Variants in SLC4A1AP observed in about 807,000 individuals in gnomAD.
SLC4A1AP encodes solute carrier family 4 member 1 adaptor protein.
In SLC4A1AP, 64 loss-of-function variants were observed where a neutral mutation model predicts 89.7. That is an observed-to-expected ratio of 0.71 (90% CI 0.58 to 0.88). The LOEUF (loss-of-function observed/expected upper bound fraction) is 0.88, where lower values mean the gene tolerates loss of function less well. Ranked by LOEUF, SLC4A1AP falls within the 40% of genes least tolerant of loss-of-function variation. The probability of loss-of-function intolerance (pLI) is 0.00; values close to 1 mark genes in which losing one functional copy is unlikely to be tolerated. For missense variants in SLC4A1AP, 931 were observed against 965.0 expected (o/e 0.96, Z 0.47); for synonymous variants, 366 against 353.3 (o/e 1.04, Z -0.40).
chr2:27,684,413 G>A (rs1304256952), intron 9 of SLC4A1AP, among the ~76,000 whole-genome samples: 2 of 145,830 alleles, frequency 1.4e-5, no homozygotes, highest in African/African-American at 5.2e-5. Context: ...GGGCCACAGA[G>A]CAAGACTCTG....
At chr2:27,675,683 T>G in exon 6 of SLC4A1AP, 1 of 1,571,188 alleles carries the variant, frequency 6.4e-7, no homozygotes, top group Non-Finnish European at 8.6e-7. Flanking sequence ...CAGAGACCTT[T>G]GAATCATTGG....
intron 12 of SLC4A1AP, 48 bp downstream of exon 12, chr2:27,688,815 G>A: frequency 7.2e-7 from 1 of 1,380,122 alleles, no homozygotes; most frequent in South Asian, 1.3e-5. Flanking sequence ...CTTTGTCATG[G>A]ACCACATCCA....
In SLC4A1AP at chr2:27,681,620, G is replaced by C. The variant is rs145908375; in HGVS notation, c.1764-628G>C. Among the ~76,000 whole-genome samples, 578 of 152,028 alleles carry C rather than the reference G, an allele frequency of 3.8e-3. 1 individual carries two copies. Among genetic ancestry groups the C allele is most frequent in the African/African-American group, 0.013 (558 of 41,450 alleles). ...CTGAATTGCTATCCCTTTTGTTTTT[G>C]CTCTGTTCTCCCCCTGCCTTTCTAA... On this transcript the variant is annotated intron_variant, in intron 8 of 13. Transcript: ENST00000613058.
Position 27,666,297 on chromosome 2 carries a change from G to C in SLC4A1AP, c.1022-971G>C, listed in dbSNP as rs139054145. Among the ~76,000 whole-genome samples, 809 of 145,820 alleles carry C rather than the reference G, an allele frequency of 5.5e-3. 5 individuals are homozygous for C. Among genetic ancestry groups the C allele is most frequent in the Admixed American group, 7.1e-3 (102 of 14,444 alleles). On this transcript the variant is annotated intron_variant, in intron 2 of 13. Transcript: ENST00000613058. The stretch of plus-strand genomic sequence containing the variant: ...ACTTAATTTTTTTTATTTTAGTAGA[G>C]ATGGGGTTTCACCATATTGGCCAGG...
At chr2:27,668,933 C>A in intron 4 of SLC4A1AP, 30 bp downstream of exon 4, 2 of 1,603,484 alleles carry the variant, frequency 1.2e-6, no homozygotes, top group Non-Finnish European at 1.7e-6. Context: ...ATGTTCTTTT[C>A]TGGAAAATGG....
chr2:27,681,648 TCTA>T (rs1675621931), intron 8 of SLC4A1AP, among the ~76,000 whole-genome samples: 1 of 152,188 alleles, frequency 6.6e-6, no homozygotes, highest in African/African-American at 2.4e-5. Context: ...CTTTCTAATT[TCTA>T]CTATCTCTTC....
chr2:27,669,845 C>T (rs748677697), intron 5 of SLC4A1AP, among the ~76,000 whole-genome samples: 2 of 152,038 alleles, frequency 1.3e-5, no homozygotes, highest in African/African-American at 4.8e-5. Context: ...TTGCACCACC[C>T]TGCACAACTA....
chr2:27,676,552 T>C (rs1192336410), intron 6 of SLC4A1AP, among the ~76,000 whole-genome samples: 1 of 152,166 alleles, frequency 6.6e-6, no homozygotes, highest in Non-Finnish European at 1.5e-5. Flanking sequence ...CTGGGCATGG[T>C]GGCTCATGCC....
chr2:27,691,809 T>C, intron 12 of SLC4A1AP: 1 of 152,250 alleles, frequency 6.6e-6, no homozygotes. Flanking sequence ...AGGCTCGTCT[T>C]GAACTCCTGG....
At chr2:27,686,504 C>T (rs565304286) in intron 10 of SLC4A1AP, among the ~76,000 whole-genome samples, 1 of 152,334 alleles carries the variant, frequency 6.6e-6, no homozygotes, top group African/African-American at 2.4e-5. Context: ...GTGGCTCACG[C>T]CTGTAATCCC....
chr2:27,668,008 T>C (rs1675362212), intron 3 of SLC4A1AP, among the ~76,000 whole-genome samples: 1 of 152,168 alleles, frequency 6.6e-6, no homozygotes, highest in African/African-American at 2.4e-5. Flanking sequence ...AACAGAGCTA[T>C]GTATGGAGAA....
chr2:27,670,971 T>C (rs896888908), intron 5 of SLC4A1AP, among the ~76,000 whole-genome samples: 1 of 143,778 alleles, frequency 7.0e-6, no homozygotes, highest in Admixed American at 7.2e-5. Flanking sequence ...TCACCCAGAC[T>C]GGAGTGCAGT....
rs760720459 is a variant in SLC4A1AP, at chr2:27,682,237, T to C, written c.1764-11T>C. On this transcript the variant is annotated splice_polypyrimidine_tract_variant and intron_variant, in intron 8 of 13. Transcript: ENST00000613058. Reference sequence around the variant, plus strand: ...CTGGAATAGATGTGTATAATTATTCTTTCTTCCTAGGACTGAAACTCAGAC... The same window carrying C: ...CTGGAATAGATGTGTATAATTATTCCTTCTTCCTAGGACTGAAACTCAGAC... The C allele has an allele frequency of 6.3e-7, 1 of 1,581,360 alleles. No homozygotes were observed. The highest frequency in any genetic ancestry group is 1.7e-5 in the Admixed American group (1 of 58,206).
At chr2:27,664,336 C>G in exon 1 of SLC4A1AP, 1 of 1,614,194 alleles carries the variant, frequency 6.2e-7, no homozygotes, top group Non-Finnish European at 8.5e-7. Context: ...GGGAGGCTGT[C>G]TGGCTGCGAC....
At chr2:27,676,757 G>A (rs1675530419) in intron 6 of SLC4A1AP, among the ~76,000 whole-genome samples, 3 of 151,248 alleles carry the variant, frequency 2.0e-5, no homozygotes, top group Middle Eastern at 6.8e-3. Flanking sequence ...TTGAATGCAG[G>A]AAGCAGAGGT....
At chr2:27,688,144 A>G in intron 11 of SLC4A1AP, 124 bp downstream of exon 11, 1 of 696,856 alleles carries the variant, frequency 1.4e-6, no homozygotes. Flanking sequence ...TGTTGCCACT[A>G]GGCCCCTGGA....
At position 27,693,707 on chromosome 2, in the gene SLC4A1AP, A is replaced by C. The variant is rs149368447; in HGVS notation, c.2294A>C (p.Lys765Thr). 254 of 1,610,826 alleles carry C rather than the reference A, an allele frequency of 1.6e-4. No homozygotes were observed. The African/African-American group carries it at 2.0e-3, about 12-fold the overall frequency. The change falls in exon 13 of 14, where the codon AAA becomes ACA. Residue 765 changes from lysine (K) to threonine (T), a missense_variant. Lys to Thr is a moderately conservative substitution (Grantham distance 78). Transcript: ENST00000613058. ...TAGCTTCCACCAACACTTTCTTCCA[A>C]ATATCCTGAAGATGACCCAGACTAC...
chr2:27,669,027 C>A, intron 4 of SLC4A1AP, 124 bp downstream of exon 4: 1 of 1,129,736 alleles, frequency 8.9e-7, no homozygotes, highest in Non-Finnish European at 1.3e-6. Context: ...TAAATTTGAG[C>A]CTTTATCGTT....
chr2:27,673,304 C>A (rs1675456892), intron 5 of SLC4A1AP, among the ~76,000 whole-genome samples: 1 of 133,294 alleles, frequency 7.5e-6, no homozygotes, highest in South Asian at 2.3e-4. Context: ...GAATTTCTTT[C>A]TCTCTCTCTC....
Sources: gnomAD v4.1 joint callset for allele counts (sites outside exome capture counted in the v4.1 genomes callset) on GRCh38, gnomAD v4.1.1 for gene constraint, MANE v1.5 for transcripts, NCBI Gene and HGNC (gene_info 2026-07-23, HGNC 2026-07-21) for gene names.